Variants in DMTF1 observed in about 807,000 individuals in gnomAD.
DMTF1 encodes the protein cyclin D binding myb like transcription factor 1.
DMTF1 carries 39 observed loss-of-function variants against 91.1 expected under a neutral mutation model. The observed-to-expected ratio is 0.43, with a 90% CI of 0.33 to 0.56. The LOEUF (loss-of-function observed/expected upper bound fraction) is 0.56, where lower values mean the gene tolerates loss of function less well. Among genes scored for constraint, DMTF1 ranks in the 20% least tolerant of loss-of-function variants. The probability of loss-of-function intolerance (pLI) is 0.05; values close to 1 mark genes in which losing one functional copy is unlikely to be tolerated. For synonymous variants in DMTF1, 338 were observed against 309.5 expected, an observed-to-expected ratio of 1.09 and a Z score of -0.97; for missense variants, 750 against 914.5, an observed-to-expected ratio of 0.82 and a Z score of 2.32.
chr7:87,170,891 G>A, intron 4 of DMTF1, 104 bp from the exon 5 acceptor site: 2 of 727,052 alleles, frequency 2.8e-6, no homozygotes, highest in Non-Finnish European at 4.8e-6. Context: ...AACAAGGAGT[G>A]TGTTAGGAAA....
intron 4 of DMTF1, among the ~76,000 whole-genome samples, chr7:87,170,522 T>A (rs1794827106): frequency 6.6e-6 from 1 of 152,164 alleles, no homozygotes; most frequent in Non-Finnish European, 1.5e-5. Flanking sequence ...TCTCAGAGCC[T>A]TTGCACTTGG....
At chr7:87,187,945 AT>A (rs1798833845) in intron 12 of DMTF1, 146 bp from the exon 13 acceptor site, 1 of 607,148 alleles carries the variant, frequency 1.6e-6, no homozygotes, top group African/African-American at 1.9e-5. Flanking sequence ...GTTTTTTAAA[AT>A]ATCTTATTTT....
intron 5 of DMTF1, among the ~76,000 whole-genome samples, chr7:87,171,998 G>C (rs1157095232): frequency 1.3e-5 from 2 of 152,196 alleles, no homozygotes; most frequent in Admixed American, 1.3e-4. Flanking sequence ...AAGGTTCATG[G>C]AATGGGCTCT....
At chr7:87,164,092 T>C (rs1005767410) in intron 2 of DMTF1, among the ~76,000 whole-genome samples, 1 of 149,414 alleles carries the variant, frequency 6.7e-6, no homozygotes, top group African/African-American at 2.5e-5. Context: ...TAATAAACAT[T>C]GAGTAATTAT....
chr7:87,154,409 AT>A (rs1790140454), intron 1 of DMTF1: 1 of 152,616 alleles, frequency 6.6e-6, no homozygotes, highest in African/African-American at 2.4e-5. Context: ...TCACCCCAAA[AT>A]ATGCTTTTGG....
intron 8 of DMTF1, among the ~76,000 whole-genome samples, chr7:87,180,265 G>A (rs1033710191): frequency 2.6e-5 from 4 of 152,126 alleles, no homozygotes; most frequent in African/African-American, 7.2e-5. Flanking sequence ...AGATACTGCC[G>A]AGCTAATGTT....
rs776864829 is a variant in DMTF1, at chr7:87,194,009, T to C, written c.1935T>C (p.Asn645=). The C allele has an allele frequency of 1.9e-6, 3 of 1,613,266 alleles. No homozygotes were observed. The highest frequency in any genetic ancestry group is 1.3e-5 in the African/African-American group (1 of 74,972). The change falls in exon 16 of 18, where the codon AAT becomes AAC. Residue 645 remains asparagine, a synonymous_variant. Coordinates refer to ENST00000331242, the MANE Select transcript of DMTF1 (RefSeq NM_001142327.2). The part of the protein sequence containing the change: ...FSDQNSTELM[N]SVMVRTEEEI... ...ACCAAAATAGCACAGAACTGATGAA[T>C]AGTGTTATGGTCAGAACAGAAGAAG... is the stretch of plus-strand genomic sequence containing the variant.
Position 87,195,344 on chromosome 7 carries a change from T to C in DMTF1, c.*204T>C. ...GGTTGAGTTTTATGACAGTATGTAG[T>C]TGAGTGGAGGCTGGGAGTTTTAAGC... is the stretch of plus-strand genomic sequence containing the variant. On this transcript the variant is annotated 3_prime_UTR_variant, in exon 18 of 18. Coordinates refer to ENST00000331242, the MANE Select transcript of DMTF1 (RefSeq NM_001142327.2). 2.3e-6 allele frequency: 1 copy of C among 438,892 alleles called. No individual in the cohort carries two copies. The highest frequency in any genetic ancestry group is 4.3e-5 in the South Asian group (1 of 23,136). The allele number at this position is 438,892 out of a possible 1,614,324, so 27.2% of individuals were successfully genotyped here. A position where few individuals can be genotyped will look rare whatever the true frequency, so the allele number is the denominator to read the frequency against.
chr7:87,171,534 A>C (rs1795072151), intron 5 of DMTF1, among the ~76,000 whole-genome samples: 1 of 152,150 alleles, frequency 6.6e-6, no homozygotes, highest in Non-Finnish European at 1.5e-5. Flanking sequence ...CAGTGATGAG[A>C]CTAGCTTGAA....
intron 17 of DMTF1, 101 bp downstream of exon 17, chr7:87,194,929 C>G: frequency 6.9e-7 from 1 of 1,445,374 alleles, no homozygotes; most frequent in South Asian, 1.3e-5. Flanking sequence ...CAATAAGCTA[C>G]TAGTCCTGTT....
In DMTF1 at chr7:87,193,205, A is replaced by G; in HGVS notation, c.1502A>G (p.His501Arg). 1 of 1,613,094 alleles carries G rather than the reference A, an allele frequency of 6.2e-7. No individual in the cohort carries two copies. Among genetic ancestry groups the G allele is most frequent in the Non-Finnish European group, 8.5e-7 (1 of 1,179,424 alleles). ...CTTTCCTTTTTCCTTTAGTCTTTCC[A>G]TCTACAGCCCACTGGCACTCCAGGC... ...LQTFEILPSF[H>R]LQPTGTPGTY... Residue 501 changes from histidine to arginine, a missense_variant, in exon 15 of 18, where the codon CAT (histidine) becomes CGT (arginine). Physicochemically the swap from His to Arg is conservative, Grantham distance 29 (BLOSUM62 0). This residue lies in a region of DMTF1 where 410 missense variants were observed against 420.2 expected (regional missense o/e 0.98). Transcript: ENST00000331242.
At chr7:87,178,370 G>A (rs56056472) in intron 7 of DMTF1, among the ~76,000 whole-genome samples, 5,595 of 151,564 alleles carry the variant, frequency 0.037, 125 homozygotes, top group East Asian at 0.065. Context: ...CATATATATC[G>A]CAAGTGATTC....
chr7:87,175,562 TGTTA>T (rs1237868998), intron 7 of DMTF1, among the ~76,000 whole-genome samples: 1 of 151,938 alleles, frequency 6.6e-6, no homozygotes, highest in African/African-American at 2.4e-5. Flanking sequence ...AGGTGAAGAG[TGTTA>T]GAAAGCCTGG....
chr7:87,195,319 G>A lies in DMTF1; in HGVS notation c.*179G>A. The A allele has an allele frequency of 1.9e-6, 1 of 522,900 alleles. No individual in the cohort carries two copies. Among genetic ancestry groups the A allele is most frequent in the Admixed American group, 3.5e-5 (1 of 28,766 alleles). 32.4% of individuals were successfully genotyped at this position (522,900 alleles called of 1,614,324 possible). A position where few individuals can be genotyped will look rare whatever the true frequency, so the allele number is the denominator to read the frequency against. Reference sequence around the variant, plus strand: ...TACCTCCTTTAAACACATCATCTGAGGTTGAGTTTTATGACAGTATGTAGT... The same window carrying A: ...TACCTCCTTTAAACACATCATCTGAAGTTGAGTTTTATGACAGTATGTAGT... On this transcript the variant is annotated 3_prime_UTR_variant, in exon 18 of 18. Coordinates refer to ENST00000331242, the MANE Select transcript of DMTF1 (RefSeq NM_001142327.2).
chr7:87,186,068 G>A, intron 12 of DMTF1, 88 bp downstream of exon 12: 1 of 1,413,464 alleles, frequency 7.1e-7, no homozygotes, highest in Non-Finnish European at 9.9e-7. Flanking sequence ...CTTTGCCCCA[G>A]CTAGAGATAT....
Position 87,188,297 on chromosome 7 carries a change from T to C in DMTF1, c.1407T>C (p.His469=), listed in dbSNP as rs1394122766. 3 of 1,613,670 alleles carry C rather than the reference T, an allele frequency of 1.9e-6. No homozygotes were observed. The highest frequency in any genetic ancestry group is 1.1e-5 in the South Asian group (1 of 91,076). Residue 469 remains histidine, a synonymous_variant, in exon 13 of 18, where the codon CAT becomes CAC. Coordinates refer to ENST00000331242, the MANE Select transcript of DMTF1 (RefSeq NM_001142327.2). The stretch of plus-strand genomic sequence containing the variant: ...TGCAGATTCCAGTCCAGATCACCCA[T>C]GTTTGTAAGTGTTTGATCTTCAAGA... The part of the protein sequence containing the change: ...AALQIPVQIT[H]VSSADSPATV...
chr7:87,155,592 T>G (rs992098499), intron 1 of DMTF1: 1 of 152,232 alleles, frequency 6.6e-6, no homozygotes, highest in Non-Finnish European at 1.5e-5. Context: ...TACTTTCATG[T>G]CATTTCTCCG....
At chr7:87,159,546 A>G (rs1285905115) in intron 1 of DMTF1, among the ~76,000 whole-genome samples, 1 of 152,228 alleles carries the variant, frequency 6.6e-6, no homozygotes, top group East Asian at 1.9e-4. Context: ...TTAAAGATAC[A>G]CAGCAAATGA....
intron 1 of DMTF1, chr7:87,162,679 A>C (rs1013733396): frequency 1.3e-5 from 2 of 152,220 alleles, no homozygotes; most frequent in African/African-American, 4.8e-5. Context: ...GAAATCTAAT[A>C]GCTTAATGGT....
Sources: allele counts gnomAD v4.1 joint callset (sites outside exome capture counted in the v4.1 genomes callset), GRCh38; gene constraint gnomAD v4.1.1; regional missense constraint gnomAD v4.1.1; transcripts MANE v1.5; gene names NCBI Gene and HGNC (gene_info 2026-07-23, HGNC 2026-07-21).